TEX11: variants seen among roughly 807,000 people sequenced by gnomAD.
TEX11 encodes the protein testis-expressed protein 11.
TEX11 carries 7 observed loss-of-function variants against 84.4 expected under a neutral mutation model. The ratio of observed to expected loss-of-function variants is 0.08; its 90% CI spans 0.05 to 0.16. The LOEUF (loss-of-function observed/expected upper bound fraction) is 0.16, where lower values mean the gene tolerates loss of function less well. Among genes scored for constraint, TEX11 ranks in the 10% least tolerant of loss-of-function variants. The probability of loss-of-function intolerance (pLI) is 1.00; values close to 1 mark genes in which losing one functional copy is unlikely to be tolerated. For synonymous variants in TEX11, 264 were observed against 222.8 expected (o/e 1.18, Z -1.64); for missense variants, 551 against 660.5 (o/e 0.83, Z 1.82).
chrX:70,780,958 C>G (rs1212211578), intron 9 of TEX11, among the ~76,000 whole-genome samples: 2 of 112,460 alleles, frequency 1.8e-5, no homozygotes, highest in Non-Finnish European at 3.8e-5. Context: ...AGCAGTGGTT[C>G]TCCCAGCACA....
chrX:70,656,983 C>T (rs765279136), intron 16 of TEX11, among the ~76,000 whole-genome samples: 4 of 111,283 alleles, frequency 3.6e-5, no homozygotes, highest in Non-Finnish European at 5.7e-5. Context: ...AGGACAGTGA[C>T]AACAAAGATG....
chrX:70,686,188 G>T (rs1041945320), intron 13 of TEX11, among the ~76,000 whole-genome samples: 4 of 111,659 alleles, frequency 3.6e-5, no homozygotes, highest in African/African-American at 1.3e-4. Context: ...CCATTACTGG[G>T]TATATACCCA....
chrX:70,779,539 GA>G (rs747001762), intron 9 of TEX11, among the ~76,000 whole-genome samples: 2 of 109,104 alleles, frequency 1.8e-5, no homozygotes, highest in African/African-American at 6.7e-5. Flanking sequence ...TTAACAGGCA[GA>G]AAAAAAATAA....
At chrX:70,525,828 C>T (rs927636722), downstream of TEX11, among the ~76,000 whole-genome samples, 9 of 112,042 alleles carry the variant, frequency 8.0e-5, no homozygotes, top group African/African-American at 2.6e-4. Context: ...ACACATGAGC[C>T]GACTTCTCAA....
chrX:70,627,402 A>G (rs1376215042), intron 18 of TEX11, among the ~76,000 whole-genome samples: 1 of 112,106 alleles, frequency 8.9e-6, no homozygotes, highest in East Asian at 2.8e-4. Context: ...GAGGTGATAG[A>G]AACAAGTGTG....
Position 70,871,989 on chromosome X carries a change from T to TA in TEX11, c.244+1233dup, listed in dbSNP as rs747656753. Among the ~76,000 whole-genome samples, 740 of 92,601 alleles carry TA rather than the reference T, an allele frequency of 8.0e-3. 4 individuals carry two copies. Among genetic ancestry groups the TA allele is most frequent in the African/African-American group, 0.021 (521 of 24,347 alleles). 80.4% of individuals were successfully genotyped at this position (92,601 alleles called of 115,157 possible). On this transcript the variant is annotated intron_variant, in intron 4 of 29. Transcript: ENST00000374333. ...TCTGCCCTCACCCCTTGCCGTCCCT[T>TA]AAAAAAAAAAAAGAAAAAGAAAAAA...
chrX:70,844,610 A>C (rs1038451773), intron 7 of TEX11, among the ~76,000 whole-genome samples: 5 of 110,763 alleles, frequency 4.5e-5, no homozygotes, highest in Non-Finnish European at 7.6e-5. Flanking sequence ...TTAAAGTACA[A>C]TAATAATAAA....
At chrX:70,858,667 A>C (rs755376240) in intron 5 of TEX11, among the ~76,000 whole-genome samples, 8 of 111,825 alleles carry the variant, frequency 7.2e-5, no homozygotes, top group Non-Finnish European at 1.5e-4. Flanking sequence ...AAGCTGAAAA[A>C]AAATACATTG....
At chrX:70,664,728 A>G (rs12558014) in intron 16 of TEX11, among the ~76,000 whole-genome samples, 30,364 of 106,115 alleles carry the variant, frequency 0.29, 3,360 homozygotes, top group Admixed American at 0.42. Context: ...CAGTCAGGGT[A>G]TTTTTACAGT....
intron 25 of TEX11, among the ~76,000 whole-genome samples, chrX:70,568,117 A>T (rs1440668133): frequency 8.9e-6 from 1 of 111,814 alleles, no homozygotes; most frequent in Non-Finnish European, 1.9e-5. Context: ...TATTTAGGAT[A>T]GTTAGCTCTT....
intron 13 of TEX11, among the ~76,000 whole-genome samples, chrX:70,694,717 T>C (rs2090265713): frequency 8.9e-6 from 1 of 112,191 alleles, no homozygotes; most frequent in Non-Finnish European, 1.9e-5. Context: ...CCTAAGACTG[T>C]GTAATTTATA....
intron 8 of TEX11, among the ~76,000 whole-genome samples, chrX:70,814,097 A>G (rs959188166): frequency 1.8e-5 from 2 of 111,875 alleles, no homozygotes; most frequent in Admixed American, 1.9e-4. Flanking sequence ...ATTGGAAAAA[A>G]CTACTTTAAA....
At chrX:70,609,266 G>C (rs2089232126) in intron 21 of TEX11, 89 bp from the exon 22 acceptor site, 1 of 811,308 alleles carries the variant, frequency 1.2e-6, no homozygotes, top group African/African-American at 2.1e-5. Flanking sequence ...AGTCTCACAG[G>C]AGTTTGAATT....
chrX:70,825,347 A>ATG (rs1462430161), intron 8 of TEX11, among the ~76,000 whole-genome samples: 4 of 107,564 alleles, frequency 3.7e-5, no homozygotes, highest in East Asian at 5.8e-4. Context: ...ATTTATATAT[A>ATG]TGTATATATA....
downstream of TEX11, among the ~76,000 whole-genome samples, chrX:70,524,576 T>C (rs774356640): frequency 8.9e-6 from 1 of 112,760 alleles, no homozygotes; most frequent in East Asian, 2.8e-4. Flanking sequence ...TGTTGTTGTT[T>C]GTTTTTTTGA....
At chrX:70,553,079 G>T (rs182387354) in intron 27 of TEX11, among the ~76,000 whole-genome samples, 214 of 112,140 alleles carry the variant, frequency 1.9e-3, no homozygotes, top group Non-Finnish European at 3.0e-3. Context: ...ACACAAAGAA[G>T]CAACTTTTCC....
At chrX:70,514,785 T>G in the TEX11 span, among the ~76,000 whole-genome samples, 3 of 108,297 alleles carry the variant, frequency 2.8e-5, no homozygotes, top group African/African-American at 1.0e-4. Context: ...GCAGGACATT[T>G]GGCCAGGCAC....
intron 2 of TEX11, among the ~76,000 whole-genome samples, chrX:70,892,552 G>A (rs1381377380): frequency 9.0e-6 from 1 of 110,772 alleles, no homozygotes; most frequent in Non-Finnish European, 1.9e-5. Context: ...GGCCAACATA[G>A]TGAAACCCTG....
chrX:70,559,517 A>G (rs750571589), intron 25 of TEX11, among the ~76,000 whole-genome samples: 1 of 112,113 alleles, frequency 8.9e-6, no homozygotes, highest in East Asian at 2.8e-4. Flanking sequence ...AATATACTAA[A>G]GTGTATTGAA....
Sources: gnomAD v4.1 joint callset for allele counts (sites outside exome capture counted in the v4.1 genomes callset) on GRCh38, gnomAD v4.1.1 for gene constraint, MANE v1.5 for transcripts, NCBI Gene and HGNC (gene_info 2026-07-23, HGNC 2026-07-21) for gene names.